The following FLOT1 variants were observed in gnomAD, a reference collection of about 807,000 sequenced individuals.
The protein encoded by FLOT1 is flotillin-1.
Under a neutral mutation model 58.4 loss-of-function variants are expected in FLOT1, and 40 were observed. That is an observed-to-expected ratio of 0.69 (90% confidence interval 0.53 to 0.89). FLOT1 has a LOEUF of 0.89. Ranked by LOEUF, FLOT1 falls within the 40% of genes least tolerant of loss-of-function variation. The pLI is 0.00. For synonymous variants in FLOT1, 178 were observed against 204.2 expected (o/e 0.87, Z 1.09); for missense variants, 423 against 540.8 (o/e 0.78, Z 2.16).
chr6:30,729,943 G>A, intron 12 of FLOT1, 79 bp downstream of exon 12: 1 of 1,310,518 alleles, frequency 7.6e-7, no homozygotes, highest in East Asian at 2.3e-5. Context: ...AGGCCTGGAT[G>A]CTGGTTAAAT....
In FLOT1 at chr6:30,731,975, T is replaced by C. The variant is rs1777236364; in HGVS notation, c.724-875A>G. 1.3e-5 allele frequency among the ~76,000 whole-genome samples: 2 copies of C among 152,076 alleles called. 1 individual carries two copies. Among genetic ancestry groups the C allele is most frequent in the South Asian group, 4.1e-4 (2 of 4,828 alleles). On this transcript the variant is annotated intron_variant, in intron 8 of 12. Coordinates refer to ENST00000376389, the MANE Select transcript of FLOT1 (RefSeq NM_005803.4). ...AATTCCTCTTATTTAGGCAGATTTC[T>C]TTCTTTTTTTTTGAGGCAGTTTCGC...
intron 9 of FLOT1, 75 bp from the exon 10 acceptor site, chr6:30,730,802 G>A (rs1777122901): frequency 1.2e-6 from 2 of 1,606,030 alleles, no homozygotes; most frequent in Admixed American, 3.3e-5. Context: ...TGCTGCAGAG[G>A]CAGACGCTCC....
chr6:30,736,631 T>G (rs1777585587), intron 8 of FLOT1, among the ~76,000 whole-genome samples: 1 of 151,078 alleles, frequency 6.6e-6, no homozygotes, highest in Admixed American at 6.6e-5. Flanking sequence ...TCTCACTCTG[T>G]CATCCAGGCT....
At chr6:30,733,332 G>A (rs74295298) in intron 8 of FLOT1, among the ~76,000 whole-genome samples, 11,262 of 151,972 alleles carry the variant, frequency 0.074, 675 homozygotes, top group African/African-American at 0.16. Flanking sequence ...CACTGCACCC[G>A]GCCTCTACCC....
rs9262160 is a variant in FLOT1 at position 30,737,246 on chromosome 6, G to A, written c.723+2912C>T. On this transcript the variant is annotated intron_variant, in intron 8 of 12. Coordinates refer to ENST00000376389, the MANE Select transcript of FLOT1 (RefSeq NM_005803.4). This position sits in a 1 kb window ranked among gnomAD's most constrained non-coding sequence, Gnocchi z 4.4. ...CGTCCGTCCGTCCGTCCGTCCGTCC[G>A]TCCATCCGTCCATCCATCCATCCAT... Among the ~76,000 whole-genome samples the A allele has an allele frequency of 0.22, 31,741 of 145,286 alleles. 3,956 individuals carry two copies. Among genetic ancestry groups the A allele is most frequent in the African/African-American group, 0.35 (13,536 of 38,918 alleles).
rs773964976 is a variant in FLOT1 at position 30,741,279 on chromosome 6, G to A, written c.265C>T (p.Leu89=). ...GCAATCTCAGCCTCCGTCTTCCCCA[G>A]GAACATCTGACAGGCGGCCGCCAAC... ...EMLAAACQMF[L]GKTEAEIAHI... Residue 89 remains leucine (L), a synonymous_variant, in exon 5 of 13, where the codon CTG becomes TTG. Transcript: ENST00000376389. The surrounding 1 kb of genome is among the most constrained non-coding windows in gnomAD (Gnocchi z 5.9). The A allele has an allele frequency of 6.2e-7, 1 of 1,613,080 alleles. No individual in the cohort carries two copies. The highest frequency in any genetic ancestry group is 8.5e-7 in the Non-Finnish European group (1 of 1,180,020).
chr6:30,741,334 C>G lies in FLOT1; in HGVS notation c.211-1G>C. On this transcript the variant is annotated splice_acceptor_variant, in intron 4 of 12. Transcript: ENST00000376389. LOFTEE classifies it high-confidence loss of function. The surrounding 1 kb of genome is among the most constrained non-coding windows in gnomAD (Gnocchi z 5.9). ...CCTTGTTCTGCCCCTGGATTTTTAC[C>G]TGTAGCCAGAGTAGGGGTAGGAAAG... The G allele has an allele frequency of 6.2e-7, 1 of 1,613,044 alleles. No homozygotes were observed. The highest frequency in any genetic ancestry group is 8.5e-7 in the Non-Finnish European group (1 of 1,180,012).
rs1305045183 is a variant in FLOT1, at chr6:30,727,851, G to C, written c.*265C>G. 3 of 588,512 alleles carry C rather than the reference G, an allele frequency of 5.1e-6. No individual in the cohort carries two copies. The highest frequency in any genetic ancestry group is 4.2e-5 in the South Asian group (2 of 48,114). 36.5% of individuals were successfully genotyped at this position (588,512 alleles called of 1,614,324 possible). A position where few individuals can be genotyped will look rare whatever the true frequency, so the allele number is the denominator to read the frequency against. ...AGGCTCAAACAGTCTGATTTAATTA[G>C]GAAGTTAAATAAGTTGAGGTGGGGT... On this transcript the variant is annotated 3_prime_UTR_variant, in exon 13 of 13. Transcript: ENST00000376389.
At position 30,741,843 on chromosome 6, in the gene FLOT1, A is replaced by C. The variant is rs780293211; in HGVS notation, c.68T>G (p.Met23Arg). 1.2e-5 allele frequency: 19 copies of C among 1,612,722 alleles called. No homozygotes were observed. The South Asian group carries it at 2.1e-4, about 18-fold the overall frequency. The change falls in exon 3 of 13, where the codon ATG becomes AGG. Residue 23 changes from methionine (M) to arginine (R), a missense_variant. Met to Arg is a moderately conservative substitution (Grantham distance 91). Around this residue, in one of 6 missense-constraint regions of FLOT1, gnomAD observed 91 missense variants for 118.3 expected, o/e 0.77. Transcript: ENST00000376389. The surrounding 1 kb of genome is among the most constrained non-coding windows in gnomAD (Gnocchi z 5.9). ...VSGFCRSPPVMVAGGRVFVLP... is the reference protein window; with the variant it reads ...VSGFCRSPPVRVAGGRVFVLP... Reference sequence around the variant, plus strand: ...GACAAAGACACGCCCTCCAGCCACCATGACTGGGGGGCTTCGGCAGAACCC... The same window carrying C: ...GACAAAGACACGCCCTCCAGCCACCCTGACTGGGGGGCTTCGGCAGAACCC...
At chr6:30,740,358 G>A (rs1205059507) in intron 7 of FLOT1, 48 bp from the exon 8 acceptor site, 1 of 1,608,804 alleles carries the variant, frequency 6.2e-7, no homozygotes, top group African/African-American at 1.3e-5. Flanking sequence ...GGGGGAGAAA[G>A]GCCACGGTGA....
chr6:30,741,385 G>T lies in FLOT1; in HGVS notation c.211-52C>A. 1 of 1,605,344 alleles carries T rather than the reference G, an allele frequency of 6.2e-7. No individual in the cohort carries two copies. The highest frequency in any genetic ancestry group is 1.1e-5 in the South Asian group (1 of 90,916). On this transcript the variant is annotated intron_variant, in intron 4 of 12. Coordinates refer to ENST00000376389, the MANE Select transcript of FLOT1 (RefSeq NM_005803.4). The surrounding 1 kb of genome is among the most constrained non-coding windows in gnomAD (Gnocchi z 5.9). The stretch of plus-strand genomic sequence containing the variant: ...GTGTGGTGGGGGTCTCATGAAGTCA[G>T]AGAAAAAGCAGAGAGAGAAGGGAGA...
Position 30,742,075 on chromosome 6 carries a change from G to C in FLOT1, c.43+72C>G. 3.3e-6 allele frequency: 5 copies of C among 1,494,932 alleles called. No homozygotes were observed. Among genetic ancestry groups the C allele is most frequent in the Non-Finnish European group, 4.6e-6 (5 of 1,076,156 alleles). The allele number at this position is 1,494,932 out of a possible 1,614,324, so 92.6% of individuals were successfully genotyped here. ...TGGTGCTGGGAAGTTGGTAGGGAGA[G>C]GGAGAAGGGGCAGAGGCCAGACTCA... On this transcript the variant is annotated intron_variant, in intron 2 of 12. Transcript: ENST00000376389. This position sits in a 1 kb window ranked among gnomAD's most constrained non-coding sequence, Gnocchi z 5.2.
At chr6:30,730,890 C>A in intron 9 of FLOT1, 29 bp downstream of exon 9, 1 of 1,604,620 alleles carries the variant, frequency 6.2e-7, no homozygotes, top group East Asian at 2.2e-5. Context: ...GGCAAGTGAG[C>A]TAGGCAGGGT....
At position 30,742,182 on chromosome 6, in the gene FLOT1, A is replaced by G; in HGVS notation, c.8T>C (p.Phe3Ser). MF[F>S]TCGPNEAMVV... Reference sequence around the variant, plus strand: ...CATGGCCTCATTTGGGCCACAAGTGAAAAACATGGTTCAGGCTGGAGCTGG... The same window carrying G: ...CATGGCCTCATTTGGGCCACAAGTGGAAAACATGGTTCAGGCTGGAGCTGG... The change falls in exon 2 of 13, where the codon TTC becomes TCC. Residue 3 changes from phenylalanine to serine, a missense_variant. Around this residue, in one of 6 missense-constraint regions of FLOT1, gnomAD observed 91 missense variants for 118.3 expected, o/e 0.77. Transcript: ENST00000376389. This position sits in a 1 kb window ranked among gnomAD's most constrained non-coding sequence, Gnocchi z 5.2. 6.2e-7 allele frequency: 1 copy of G among 1,612,972 alleles called. No homozygotes were observed. The highest frequency in any genetic ancestry group is 8.5e-7 in the Non-Finnish European group (1 of 1,179,986).
At chr6:30,729,983 A>C (rs755765194) in intron 12 of FLOT1, 39 bp downstream of exon 12, 4 of 1,593,470 alleles carry the variant, frequency 2.5e-6, no homozygotes, top group Non-Finnish European at 3.4e-6. Flanking sequence ...ACAACACAGG[A>C]ACCTAGCAAT....
Position 30,728,032 on chromosome 6 carries a change from A to T in FLOT1, c.*84T>A. On this transcript the variant is annotated 3_prime_UTR_variant, in exon 13 of 13. Transcript: ENST00000376389. ...GACCTCACTGTCAATGGACATGCTC[A>T]GGGAGGCCAGTGGGTTACATGCAAC... 1 of 1,248,440 alleles carries T rather than the reference A, an allele frequency of 8.0e-7. No homozygotes were observed. The highest frequency in any genetic ancestry group is 1.2e-6 in the Non-Finnish European group (1 of 848,394). The allele number at this position is 1,248,440 out of a possible 1,614,324, so 77.3% of individuals were successfully genotyped here. A position where few individuals can be genotyped will look rare whatever the true frequency, so the allele number is the denominator to read the frequency against.
At chr6:30,735,484 G>C (rs536166180) in intron 8 of FLOT1, among the ~76,000 whole-genome samples, 1 of 151,508 alleles carries the variant, frequency 6.6e-6, no homozygotes, top group Non-Finnish European at 1.5e-5. Flanking sequence ...TTACCTGGGC[G>C]TGGTGGTGGG....
rs374869043 is a variant in FLOT1, at chr6:30,738,170, T to A, written c.723+1988A>T. Among the ~76,000 whole-genome samples the A allele has an allele frequency of 1.6e-4, 24 of 152,354 alleles. 2 individuals carry two copies. The highest frequency in any genetic ancestry group is 1.2e-3 in the East Asian group (6 of 5,194). ...CTAGGAATTCACCTTGAGATTTTGT[T>A]AAAATGCAGGTTCTGATTCAGCTGG... On this transcript the variant is annotated intron_variant, in intron 8 of 12. Transcript: ENST00000376389.
chr6:30,739,462 C>T (rs530479431), intron 8 of FLOT1, among the ~76,000 whole-genome samples: 48 of 150,896 alleles, frequency 3.2e-4, no homozygotes, highest in South Asian at 3.1e-3. Flanking sequence ...CTCTGTCTCC[C>T]GGGTTCAAGC....
Sources: allele counts gnomAD v4.1 joint callset (sites outside exome capture counted in the v4.1 genomes callset), GRCh38; gene constraint gnomAD v4.1.1; regional missense constraint gnomAD v4.1.1; non-coding constraint Gnocchi (gnomAD v3.1); transcripts MANE v1.5; gene names NCBI Gene and HGNC (gene_info 2026-07-23, HGNC 2026-07-21).